Variants in FRMD5 observed in about 807,000 individuals in gnomAD.
The protein encoded by FRMD5 is FERM domain containing 5, also known as FERM domain-containing protein 5.
Under a neutral mutation model 69.0 loss-of-function variants are expected in FRMD5, and 20 were observed. The ratio of observed to expected loss-of-function variants is 0.29; its 90% CI spans 0.20 to 0.42. The LOEUF (loss-of-function observed/expected upper bound fraction) is 0.42. Ranked by LOEUF, FRMD5 falls within the 10% of genes least tolerant of loss-of-function variation. The probability of loss-of-function intolerance (pLI) is 1.00; values close to 1 mark genes in which losing one functional copy is unlikely to be tolerated. For missense variants in FRMD5, 595 were observed against 708.6 expected, an observed-to-expected ratio of 0.84 and a Z score of 1.82; for synonymous variants, 271 against 260.1, an observed-to-expected ratio of 1.04 and a Z score of -0.40.
Position 44,194,936 on chromosome 15 carries a change from GGCGGC to G in FRMD5, c.102+12_102+16del, listed in dbSNP as rs902851801. The G allele has an allele frequency of 7.1e-5, 108 of 1,513,752 alleles. No homozygotes were observed. Among genetic ancestry groups the G allele is most frequent in the Non-Finnish European group, 8.9e-5 (101 of 1,133,514 alleles). 93.8% of individuals were successfully genotyped at this position (1,513,752 alleles called of 1,614,324 possible). ...CAAGGGGGTCCCGCGGGCGGGGCGG[GGCGGC>G]GCGGCGCTGACCTGGATGGTGCAGG... On this transcript the variant is annotated intron_variant, in intron 1 of 13. Transcript: ENST00000417257.
intron 1 of FRMD5, among the ~76,000 whole-genome samples, chr15:43,943,891 C>T (rs2089902319): frequency 6.6e-6 from 1 of 152,220 alleles, no homozygotes; most frequent in Admixed American, 6.5e-5. Flanking sequence ...TGAATACAAC[C>T]TCTCCTTCAG....
rs150372050 is a variant in FRMD5, at chr15:43,874,050, G to A, written c.1548C>T (p.Leu516=). Residue 516 remains leucine (L), a synonymous_variant, in exon 14 of 14, where the codon CTC becomes CTT. Coordinates refer to ENST00000417257, the MANE Select transcript of FRMD5 (RefSeq NM_032892.5). The part of the protein sequence containing the change: ...LVTMGLLFVL[L]LLLIILTESD... ...ACTCGGTAAGGATGATCAGGAGGAG[G>A]AGCAAAACAAAGAGGAGTCCCATGG... 1.1e-5 allele frequency: 18 copies of A among 1,614,108 alleles called. No homozygotes were observed. Among genetic ancestry groups the A allele is most frequent in the Non-Finnish European group, 1.4e-5 (17 of 1,180,048 alleles).
chr15:44,182,138 G>C lies in FRMD5; in HGVS notation c.102+12815C>G, dbSNP rs141249945. 3.9e-3 allele frequency among the ~76,000 whole-genome samples: 584 copies of C among 151,058 alleles called. 5 individuals carry two copies. The highest frequency in any genetic ancestry group is 0.013 in the African/African-American group (546 of 41,070). On this transcript the variant is annotated intron_variant, in intron 1 of 13. Transcript: ENST00000417257. ...CAATTTTCCTGCCTCAGCCTCCCGA[G>C]TAGCTGGGATTACAGGTGTGCGCCA...
At chr15:44,023,372 G>A (rs1486807361) in intron 1 of FRMD5, among the ~76,000 whole-genome samples, 1 of 152,170 alleles carries the variant, frequency 6.6e-6, no homozygotes, top group African/African-American at 2.4e-5. Flanking sequence ...TTTACTCAGA[G>A]GAAATGACAT....
intron 1 of FRMD5, among the ~76,000 whole-genome samples, chr15:43,970,435 T>G (rs866853289): frequency 1.3e-5 from 2 of 152,224 alleles, no homozygotes; most frequent in African/African-American, 4.8e-5. Flanking sequence ...GGTAACATAC[T>G]CTTCTTGGAT....
intron 1 of FRMD5, among the ~76,000 whole-genome samples, chr15:44,172,315 T>C (rs2077819845): frequency 6.6e-6 from 1 of 151,194 alleles, no homozygotes; most frequent in Non-Finnish European, 1.5e-5. Context: ...GGTCTTGCCA[T>C]GTTGCCCAGG....
chr15:44,161,599 T>C (rs1441127794), intron 1 of FRMD5, among the ~76,000 whole-genome samples: 1 of 152,226 alleles, frequency 6.6e-6, no homozygotes, highest in Non-Finnish European at 1.5e-5. Flanking sequence ...ATCATTGTTG[T>C]GATGCATGGT....
intron 1 of FRMD5, among the ~76,000 whole-genome samples, chr15:44,019,668 C>T (rs1355191916): frequency 7.7e-6 from 1 of 130,528 alleles, no homozygotes; most frequent in Non-Finnish European, 1.5e-5. Context: ...ACCCGGGAAG[C>T]GGAGGTTGCA....
At chr15:43,937,499 G>A (rs1022701896) in intron 1 of FRMD5, among the ~76,000 whole-genome samples, 6 of 152,018 alleles carry the variant, frequency 3.9e-5, no homozygotes, top group Non-Finnish European at 5.9e-5. Flanking sequence ...TTAGCTGGGC[G>A]TGATGGTACG....
At chr15:44,189,679 C>T (rs988263266) in intron 1 of FRMD5, among the ~76,000 whole-genome samples, 21 of 151,762 alleles carry the variant, frequency 1.4e-4, no homozygotes, top group African/African-American at 4.8e-4. Flanking sequence ...TTAGTAGAGA[C>T]GGGGGTTTTA....
At chr15:44,110,525 G>A (rs1438288065) in intron 1 of FRMD5, among the ~76,000 whole-genome samples, 1 of 152,202 alleles carries the variant, frequency 6.6e-6, no homozygotes, top group Non-Finnish European at 1.5e-5. Context: ...CACAACTGCA[G>A]TACAGACAGT....
At chr15:43,983,044 C>T (rs929764557) in intron 1 of FRMD5, among the ~76,000 whole-genome samples, 2 of 152,206 alleles carry the variant, frequency 1.3e-5, no homozygotes, top group African/African-American at 2.4e-5. Context: ...GATTCTCCTG[C>T]CTCAGCCTCC....
intron 13 of FRMD5, chr15:43,879,776 T>G: frequency 2.5e-6 from 1 of 397,732 alleles, no homozygotes; most frequent in East Asian, 3.6e-5. Context: ...GAAAGCCAAC[T>G]AGGAACAAAG....
intron 1 of FRMD5, among the ~76,000 whole-genome samples, chr15:44,054,689 T>C (rs903609244): frequency 2.0e-5 from 3 of 152,078 alleles, no homozygotes; most frequent in Non-Finnish European, 4.4e-5. Context: ...TGTAAACTCT[T>C]TGGGATAAAA....
chr15:44,132,762 G>GTATTTATT (rs35052039), intron 1 of FRMD5, among the ~76,000 whole-genome samples: 11 of 150,188 alleles, frequency 7.3e-5, no homozygotes, highest in Admixed American at 2.0e-4. Context: ...ATGTATGTAT[G>GTATTTATT]TATTTATTTT....
At chr15:44,111,858 T>C (rs1342501343) in intron 1 of FRMD5, among the ~76,000 whole-genome samples, 2 of 152,000 alleles carry the variant, frequency 1.3e-5, no homozygotes, top group Non-Finnish European at 2.9e-5. Flanking sequence ...TTTTCCTTTT[T>C]TTTTTTTTCT....
Position 44,148,313 on chromosome 15 carries a change from C to T in FRMD5, c.102+46640G>A, listed in dbSNP as rs184498040. ...TTGAGACGGAGTCTCGCTCTGTCCC[C>T]CAGGTTGGAGTGCAGGGGCGCAATC... On this transcript the variant is annotated intron_variant, in intron 1 of 13. Transcript: ENST00000417257. Among the ~76,000 whole-genome samples the T allele has an allele frequency of 1.0e-3, 153 of 152,102 alleles. 1 individual carries two copies. Among genetic ancestry groups the T allele is most frequent in the African/African-American group, 3.5e-3 (146 of 41,502 alleles).
chr15:44,003,495 G>A (rs1241205375), intron 1 of FRMD5, among the ~76,000 whole-genome samples: 2 of 152,160 alleles, frequency 1.3e-5, no homozygotes, highest in African/African-American at 2.4e-5. Context: ...TCCTAAAAAT[G>A]TCCCTATAAC....
At chr15:44,127,378 C>A (rs564893716) in intron 1 of FRMD5, among the ~76,000 whole-genome samples, 1 of 152,318 alleles carries the variant, frequency 6.6e-6, no homozygotes, top group South Asian at 2.1e-4. Flanking sequence ...AGGCGTAAGC[C>A]ACCACACCCA....
Sources: gnomAD v4.1 joint callset for allele counts (sites outside exome capture counted in the v4.1 genomes callset) on GRCh38, gnomAD v4.1.1 for gene constraint, MANE v1.5 for transcripts, NCBI Gene and HGNC (gene_info 2026-07-23, HGNC 2026-07-21) for gene names.